The following NAA16 variants were observed in gnomAD, a reference collection of about 807,000 sequenced individuals.
NAA16 encodes NARG1-like protein.
NAA16 carries 97 observed loss-of-function variants against 110.3 expected under a neutral mutation model. The ratio of observed to expected loss-of-function variants is 0.88; its 90% confidence interval spans 0.75 to 1.04. The LOEUF (loss-of-function observed/expected upper bound fraction) is 1.04, where lower values mean the gene tolerates loss of function less well. Ranked by LOEUF, NAA16 falls within the 50% of genes least tolerant of loss-of-function variation. NAA16 has a pLI of 0.00. For synonymous variants in NAA16, 372 were observed against 330.6 expected (o/e 1.13, Z -1.36); for missense variants, 1,017 against 1,005.1 (o/e 1.01, Z -0.16).
At chr13:41,320,557 C>A in intron 3 of NAA16, 110 bp from the exon 4 acceptor site, 1 of 1,083,184 alleles carries the variant, frequency 9.2e-7, no homozygotes, top group Non-Finnish European at 1.3e-6. Context: ...CCAGATCATT[C>A]TGAACAAATC....
intron 10 of NAA16, among the ~76,000 whole-genome samples, chr13:41,356,809 G>A (rs1303028269): frequency 6.6e-6 from 1 of 152,142 alleles, no homozygotes; most frequent in African/African-American, 2.4e-5. Flanking sequence ...CTTTCTCATG[G>A]TATCATTTGC....
intron 8 of NAA16, among the ~76,000 whole-genome samples, chr13:41,334,858 A>G (rs1025395386): frequency 1.3e-5 from 2 of 152,190 alleles, no homozygotes; most frequent in Admixed American, 6.5e-5. Flanking sequence ...CTACAAATAC[A>G]TTGTGCATGT....
Position 41,311,426 on chromosome 13 carries a change from G to A in NAA16, c.-103G>A. 8.7e-7 allele frequency: 1 copy of A among 1,145,770 alleles called. No homozygotes were observed. The highest frequency in any genetic ancestry group is 1.4e-5 in the South Asian group (1 of 72,950). 71.0% of individuals were successfully genotyped at this position (1,145,770 alleles called of 1,614,324 possible). ...CCAATGAACTAATCCATCGCCCGCA[G>A]CCCGACTCTCAGCAGCGGTTCGTCC... is the stretch of plus-strand genomic sequence containing the variant. On this transcript the variant is annotated 5_prime_UTR_variant, in exon 1 of 20. Transcript: ENST00000379406.
At chr13:41,356,183 ACACGCGGGGGT>A (rs2042979162) in intron 10 of NAA16, among the ~76,000 whole-genome samples, 1 of 149,198 alleles carries the variant, frequency 6.7e-6, no homozygotes, top group Non-Finnish European at 1.5e-5. Flanking sequence ...ATACGCGCGC[ACACGCGGGGGT>A]TTGGGGGAGG....
chr13:41,330,272 G>A (rs2042203697), intron 7 of NAA16, among the ~76,000 whole-genome samples: 1 of 151,344 alleles, frequency 6.6e-6, no homozygotes, highest in South Asian at 2.1e-4. Context: ...ACATATTACT[G>A]GGGGAAGGAA....
chr13:41,320,765 C>A lies in NAA16; in HGVS notation c.343C>A (p.Gln115Lys). 6.2e-7 allele frequency: 1 copy of A among 1,613,030 alleles called. No individual in the cohort carries two copies. Among genetic ancestry groups the A allele is most frequent in the Non-Finnish European group, 8.5e-7 (1 of 1,179,742 alleles). ...CCTCAAATTAGATAAAGATAACCTG[C>A]AAATTTTGAGGGATCTCTCACTGTT... ...NALKLDKDNL[Q>K]ILRDLSLLQI... The change falls in exon 4 of 20, where the codon CAA becomes AAA. Residue 115 changes from glutamine to lysine, a missense_variant. Gln to Lys is a moderately conservative substitution (Grantham distance 53). Transcript: ENST00000379406.
intron 9 of NAA16, among the ~76,000 whole-genome samples, chr13:41,347,786 G>C (rs1055655084): frequency 1.3e-5 from 2 of 152,146 alleles, no homozygotes; most frequent in Admixed American, 1.3e-4. Context: ...CATGTCATCT[G>C]CAAATAGATC....
intron 6 of NAA16, chr13:41,328,105 G>T (rs1008969458): frequency 6.6e-6 from 1 of 151,952 alleles, no homozygotes; most frequent in Non-Finnish European, 1.5e-5. Context: ...TGTTTCCATC[G>T]TATTTGAGAG....
At chr13:41,350,380 A>G (rs532708232) in intron 9 of NAA16, among the ~76,000 whole-genome samples, 4 of 143,102 alleles carry the variant, frequency 2.8e-5, no homozygotes, top group African/African-American at 1.0e-4. Flanking sequence ...TGCAAGCTCC[A>G]CCTCCCGGGT....
chr13:41,358,584 C>A lies in NAA16; in HGVS notation c.1257+111C>A, dbSNP rs188674014. The A allele has an allele frequency of 1.2e-5, 18 of 1,490,060 alleles. No individual in the cohort carries two copies. In the Admixed American group the frequency reaches 3.5e-4, roughly 29 times the overall value. 92.3% of individuals were successfully genotyped at this position (1,490,060 alleles called of 1,614,324 possible). On this transcript the variant is annotated intron_variant, in intron 11 of 19. Coordinates refer to ENST00000379406, the MANE Select transcript of NAA16 (RefSeq NM_024561.5). ...TCTAGGGCACCCTGATAATCTTTTT[C>A]TAATAATCCTGTGTAGTTTCATGTT... is the stretch of plus-strand genomic sequence containing the variant.
intron 4 of NAA16, 91 bp from the exon 5 acceptor site, chr13:41,322,965 A>G (rs1431135552): frequency 2.6e-6 from 3 of 1,138,040 alleles, no homozygotes; most frequent in East Asian, 2.3e-5. Context: ...GATATAGTTC[A>G]TTAGAAATGT....
intron 9 of NAA16, among the ~76,000 whole-genome samples, chr13:41,343,295 G>A (rs2042600831): frequency 6.6e-6 from 1 of 151,986 alleles, no homozygotes; most frequent in Non-Finnish European, 1.5e-5. Context: ...TTGCTGTATT[G>A]TTCACGCTGA....
chr13:41,361,566 G>A (rs977625290), intron 12 of NAA16, among the ~76,000 whole-genome samples: 1 of 152,216 alleles, frequency 6.6e-6, no homozygotes, highest in Non-Finnish European at 1.5e-5. Context: ...TATGAAGAGT[G>A]TTGACTACCC....
At chr13:41,326,352 T>A (rs1212117300) in intron 6 of NAA16, among the ~76,000 whole-genome samples, 1 of 152,190 alleles carries the variant, frequency 6.6e-6, no homozygotes, top group Non-Finnish European at 1.5e-5. Flanking sequence ...CTTTGCTCAT[T>A]AATTCCCTTT....
At chr13:41,374,326 ATTCC>A (rs1424439515) in intron 18 of NAA16, 137 of 154,292 alleles carry the variant, frequency 8.9e-4, no homozygotes, top group African/African-American at 3.1e-3. Context: ...ACAGTAATTT[ATTCC>A]TTAGATGTTT....
chr13:41,367,337 A>T, intron 13 of NAA16, 102 bp from the exon 14 acceptor site: 1 of 744,882 alleles, frequency 1.3e-6, no homozygotes, highest in Non-Finnish European at 2.1e-6. Flanking sequence ...GAAAATTGTG[A>T]CTGTTTAAAT....
chr13:41,327,652 A>G (rs1253874486), intron 6 of NAA16, among the ~76,000 whole-genome samples: 1 of 151,848 alleles, frequency 6.6e-6, no homozygotes, highest in African/African-American at 2.4e-5. Flanking sequence ...TGTTTTTTGA[A>G]ATGAAAAATA....
chr13:41,332,599 A>G (rs1331470878), intron 8 of NAA16, among the ~76,000 whole-genome samples: 1 of 152,180 alleles, frequency 6.6e-6, no homozygotes, highest in Admixed American at 6.5e-5. Flanking sequence ...TGTAAGTGCT[A>G]TAGATTATGA....
chr13:41,331,456 G>A (rs2042236547), intron 8 of NAA16, 87 bp downstream of exon 8: 1 of 974,000 alleles, frequency 1.0e-6, no homozygotes, highest in Non-Finnish European at 1.5e-6. Flanking sequence ...TTCTGGTATA[G>A]AGTTTATGTT....
Sources: allele counts gnomAD v4.1 joint callset (sites outside exome capture counted in the v4.1 genomes callset), GRCh38; gene constraint gnomAD v4.1.1; transcripts MANE v1.5; gene names NCBI Gene and HGNC (gene_info 2026-07-23, HGNC 2026-07-21).